CNTNAP2: variants seen among roughly 807,000 people sequenced by gnomAD.
CNTNAP2 encodes the protein contactin associated protein 2, also known as contactin-associated protein-like 2.
Under a neutral mutation model 155.2 loss-of-function variants are expected in CNTNAP2, and 98 were observed. The observed-to-expected ratio is 0.63, with a 90% CI of 0.54 to 0.75. The LOEUF is 0.75. Among genes scored for constraint, CNTNAP2 ranks in the 30% least tolerant of loss-of-function variants. CNTNAP2 has a pLI of 0.00. For synonymous variants in CNTNAP2, 651 were observed against 631.2 expected (o/e 1.03, Z -0.47); for missense variants, 1,727 against 1,688.1 (o/e 1.02, Z -0.40).
intron 1 of CNTNAP2, among the ~76,000 whole-genome samples, chr7:146,310,994 A>G (rs1185701457): frequency 1.3e-5 from 2 of 152,176 alleles, no homozygotes; most frequent in Admixed American, 1.3e-4. Flanking sequence ...ATGTGTATCT[A>G]TGTTTTAGTT....
rs576998511 is a variant in CNTNAP2, at chr7:147,095,748, C to G, written c.551-12399C>G. 2.0e-5 allele frequency among the ~76,000 whole-genome samples: 3 copies of G among 152,194 alleles called. No individual in the cohort carries two copies. The South Asian group carries it at 6.2e-4, about 32-fold the overall frequency. ...CAGAAAAACAATTTCCATTTTATTTCAGTACATCTTCCTAAAACTGGATCC... is the reference window on the plus strand; with the variant it reads ...CAGAAAAACAATTTCCATTTTATTTGAGTACATCTTCCTAAAACTGGATCC... On this transcript the variant is annotated intron_variant, in intron 4 of 23. Coordinates refer to ENST00000361727, the MANE Select transcript of CNTNAP2 (RefSeq NM_014141.6).
intron 18 of CNTNAP2, among the ~76,000 whole-genome samples, chr7:148,180,498 A>G (rs1402410192): frequency 1.3e-5 from 2 of 152,118 alleles, no homozygotes; most frequent in African/African-American, 4.8e-5. Flanking sequence ...TCCAAAGGCC[A>G]AGGGAGCTGA....
At chr7:146,844,328 G>T (rs1386061065) in intron 3 of CNTNAP2, among the ~76,000 whole-genome samples, 1 of 152,008 alleles carries the variant, frequency 6.6e-6, no homozygotes, top group Non-Finnish European at 1.5e-5. Context: ...CCTCTTTGAT[G>T]ATACTGAGCA....
At chr7:148,205,628 A>G (rs1289660659) in intron 18 of CNTNAP2, among the ~76,000 whole-genome samples, 1 of 152,254 alleles carries the variant, frequency 6.6e-6, no homozygotes, top group Non-Finnish European at 1.5e-5. Flanking sequence ...GTTTTAATTA[A>G]TGATGAGGTC....
chr7:147,609,424 A>T (rs1584852535), intron 12 of CNTNAP2, among the ~76,000 whole-genome samples: 1 of 152,092 alleles, frequency 6.6e-6, no homozygotes, highest in African/African-American at 2.4e-5. Context: ...CCAGCTACTC[A>T]GGAGGCTGAG....
chr7:146,496,676 T>A (rs1238648497), intron 1 of CNTNAP2, among the ~76,000 whole-genome samples: 1 of 152,182 alleles, frequency 6.6e-6, no homozygotes, highest in Non-Finnish European at 1.5e-5. Context: ...TTTTTTCCCA[T>A]ATCAAGATCA....
chr7:147,570,503 G>T (rs1181223849), intron 12 of CNTNAP2, among the ~76,000 whole-genome samples: 1 of 152,142 alleles, frequency 6.6e-6, no homozygotes, highest in East Asian at 1.9e-4. Flanking sequence ...AATAAAAATT[G>T]CTTGTCAACC....
intron 4 of CNTNAP2, among the ~76,000 whole-genome samples, chr7:147,104,800 T>C (rs1004637930): frequency 1.4e-5 from 2 of 147,148 alleles, no homozygotes; most frequent in Non-Finnish European, 1.5e-5. Context: ...GTGTACATTT[T>C]GGACCATGAC....
intron 1 of CNTNAP2, among the ~76,000 whole-genome samples, chr7:146,332,303 CAT>C (rs139202836): frequency 0.029 from 4,342 of 151,918 alleles, 211 homozygotes; most frequent in African/African-American, 0.098. Flanking sequence ...CAAAAATAAA[CAT>C]ATAAAAATAA....
At chr7:147,154,428 G>C (rs973116557) in intron 8 of CNTNAP2, among the ~76,000 whole-genome samples, 75 of 152,134 alleles carry the variant, frequency 4.9e-4, no homozygotes, top group Non-Finnish European at 8.5e-4. Context: ...TCTGAATTGA[G>C]TACTGTTTAA....
intron 15 of CNTNAP2, among the ~76,000 whole-genome samples, chr7:148,051,822 T>C (rs1490030039): frequency 6.6e-6 from 1 of 152,248 alleles, no homozygotes; most frequent in Non-Finnish European, 1.5e-5. Context: ...AGCAATTCAG[T>C]ATTTTTCTGT....
intron 9 of CNTNAP2, among the ~76,000 whole-genome samples, chr7:147,347,796 G>A (rs768688456): frequency 1.3e-5 from 2 of 152,006 alleles, no homozygotes; most frequent in Non-Finnish European, 2.9e-5. Context: ...CAAAGCTTTA[G>A]TAACCAAACC....
chr7:147,261,804 T>C (rs1304491731), intron 8 of CNTNAP2, among the ~76,000 whole-genome samples: 1 of 152,250 alleles, frequency 6.6e-6, no homozygotes, highest in Non-Finnish European at 1.5e-5. Context: ...CTTTGTTACT[T>C]AGAATTTTGT....
At chr7:146,387,027 AC>A (rs1326203420) in intron 1 of CNTNAP2, among the ~76,000 whole-genome samples, 1 of 151,990 alleles carries the variant, frequency 6.6e-6, no homozygotes, top group Non-Finnish European at 1.5e-5. Context: ...CCCAAAACAA[AC>A]CCCAAATCAC....
At chr7:146,491,696 T>C (rs998961191) in intron 1 of CNTNAP2, among the ~76,000 whole-genome samples, 1 of 152,166 alleles carries the variant, frequency 6.6e-6, no homozygotes, top group Non-Finnish European at 1.5e-5. Flanking sequence ...GTGAATCTTC[T>C]ATGGATTCAG....
At chr7:146,927,294 A>G (rs189261640) in intron 3 of CNTNAP2, among the ~76,000 whole-genome samples, 138 of 152,248 alleles carry the variant, frequency 9.1e-4, no homozygotes, top group African/African-American at 3.2e-3. Context: ...TAGTCTCTTA[A>G]AGTTGAAAAC....
In CNTNAP2 at chr7:147,378,786, A is replaced by T. The variant is rs572444488; in HGVS notation, c.1499-16823A>T. ...GAATGTTCATAACTAATGCGTTTTTAATTCCAATAATATATTTTTAATTCC... is the reference window on the plus strand; with the variant it reads ...GAATGTTCATAACTAATGCGTTTTTTATTCCAATAATATATTTTTAATTCC... On this transcript the variant is annotated intron_variant, in intron 9 of 23. Coordinates refer to ENST00000361727, the MANE Select transcript of CNTNAP2 (RefSeq NM_014141.6). 2.0e-5 allele frequency among the ~76,000 whole-genome samples: 3 copies of T among 152,252 alleles called. No individual in the cohort carries two copies. The East Asian group carries it at 5.8e-4, about 29-fold the overall frequency.
rs769335032 is a variant in CNTNAP2, at chr7:148,383,842, C to G, written c.3669C>G (p.Pro1223=). 15 of 1,614,032 alleles carry G rather than the reference C, an allele frequency of 9.3e-6. No individual in the cohort carries two copies. Among genetic ancestry groups the G allele is most frequent in the Non-Finnish European group, 1.3e-5 (15 of 1,180,024 alleles). The change falls in exon 22 of 24, where the codon CCC becomes CCG. Residue 1223 remains proline, a synonymous_variant. Coordinates refer to ENST00000361727, the MANE Select transcript of CNTNAP2 (RefSeq NM_014141.6). ...GGGCCTCGCCGCTGACCCTCTCCCC[C>G]ATGTCGTCCGCCACCGACCCCTGGC... ...NCGASPLTLS[P]MSSATDPWHL...
chr7:147,300,027 T>C (rs112742951), intron 8 of CNTNAP2, 114 bp from the exon 9 acceptor site: 2 of 1,158,070 alleles, frequency 1.7e-6, no homozygotes, highest in African/African-American at 1.5e-5. Flanking sequence ...AGCAGCACTG[T>C]ATTTTCCAAG....
Sources: allele counts gnomAD v4.1 joint callset (sites outside exome capture counted in the v4.1 genomes callset), GRCh38; gene constraint gnomAD v4.1.1; transcripts MANE v1.5; gene names NCBI Gene and HGNC (gene_info 2026-07-23, HGNC 2026-07-21).